The following CNTN1 variants were observed in gnomAD, a reference collection of about 807,000 sequenced individuals.
The protein encoded by CNTN1 is contactin-1.
CNTN1 carries 38 observed loss-of-function variants against 126.4 expected under a neutral mutation model. The ratio of observed to expected loss-of-function variants is 0.30; its 90% CI spans 0.23 to 0.39. The LOEUF (loss-of-function observed/expected upper bound fraction) is 0.39, where lower values mean the gene tolerates loss of function less well. CNTN1 is among the 10% of genes least tolerant of loss of function. The probability of loss-of-function intolerance (pLI) is 1.00; values close to 1 mark genes in which losing one functional copy is unlikely to be tolerated. For synonymous variants in CNTN1, 413 were observed against 422.6 expected (o/e 0.98, Z 0.28); for missense variants, 1,009 against 1,248.4 (o/e 0.81, Z 2.89).
At chr12:40,839,170 C>T (rs1942184010) in intron 1 of CNTN1, among the ~76,000 whole-genome samples, 1 of 151,896 alleles carries the variant, frequency 6.6e-6, no homozygotes, top group African/African-American at 2.4e-5. Flanking sequence ...CTAGATCAGG[C>T]AGAAGAAATA....
chr12:40,918,783 C>T lies in CNTN1; in HGVS notation c.227+12C>T, dbSNP rs368987762. 4.5e-5 allele frequency: 72 copies of T among 1,613,006 alleles called. No individual in the cohort carries two copies. The highest frequency in any genetic ancestry group is 5.8e-5 in the Non-Finnish European group (68 of 1,179,280). On this transcript the variant is annotated intron_variant, in intron 4 of 23. Transcript: ENST00000551295. The stretch of plus-strand genomic sequence containing the variant: ...TTCCCGGTTTACAAGTAATGTACCT[C>T]GCTTCTCTTTTCAGAGTGGAGTGTC...
At chr12:40,809,362 C>A (rs1158779360) in intron 1 of CNTN1, among the ~76,000 whole-genome samples, 1 of 152,124 alleles carries the variant, frequency 6.6e-6, no homozygotes, top group African/African-American at 2.4e-5. Context: ...AAATAACTTG[C>A]TGGTACATTA....
intron 23 of CNTN1, among the ~76,000 whole-genome samples, chr12:41,067,356 A>G (rs2121149958): frequency 6.6e-6 from 1 of 152,252 alleles, no homozygotes; most frequent in African/African-American, 2.4e-5. Context: ...TCGAGCAGCC[A>G]CAGTTTGTAC....
At chr12:40,993,691 C>T (rs1161376221) in intron 17 of CNTN1, among the ~76,000 whole-genome samples, 2 of 152,108 alleles carry the variant, frequency 1.3e-5, no homozygotes, top group African/African-American at 4.8e-5. Flanking sequence ...CTCTCTCGAA[C>T]TCATTTATAA....
At chr12:40,720,099 C>T (rs1298707694) in intron 1 of CNTN1, among the ~76,000 whole-genome samples, 1 of 124,700 alleles carries the variant, frequency 8.0e-6, no homozygotes, top group East Asian at 2.7e-4. Flanking sequence ...GCTCTGCCTG[C>T]CTTGGCCTCC....
At chr12:40,904,382 TTTCC>T (rs1944733863) in intron 1 of CNTN1, among the ~76,000 whole-genome samples, 1 of 111,958 alleles carries the variant, frequency 8.9e-6, no homozygotes, top group Non-Finnish European at 1.9e-5. Flanking sequence ...TCCTTCCTTC[TTTCC>T]TTCCTTCCTT....
chr12:40,822,211 A>G (rs1381701000), intron 1 of CNTN1, among the ~76,000 whole-genome samples: 2 of 125,038 alleles, frequency 1.6e-5, no homozygotes, highest in Admixed American at 9.9e-5. Flanking sequence ...CTGGAGTGCA[A>G]TGGCATGATC....
At chr12:41,003,006 A>G (rs941388215) in intron 17 of CNTN1, among the ~76,000 whole-genome samples, 21 of 152,126 alleles carry the variant, frequency 1.4e-4, no homozygotes, top group African/African-American at 5.1e-4. Flanking sequence ...GAGAGATGGT[A>G]TCCTGGTCTT....
chr12:40,884,715 TAAGTTTAGCA>T (rs1328220994), intron 1 of CNTN1, among the ~76,000 whole-genome samples: 1 of 151,670 alleles, frequency 6.6e-6, no homozygotes, highest in Non-Finnish European at 1.5e-5. Context: ...TTCATTCATG[TAAGTTTAGCA>T]TGTTCTTTAT....
At chr12:41,051,392 C>T (rs956457241) in intron 23 of CNTN1, among the ~76,000 whole-genome samples, 1 of 151,756 alleles carries the variant, frequency 6.6e-6, no homozygotes. Context: ...ACCTCGTGAT[C>T]CACCCACCTC....
At chr12:40,831,150 A>G (rs1453619046) in intron 1 of CNTN1, among the ~76,000 whole-genome samples, 1 of 144,344 alleles carries the variant, frequency 6.9e-6, no homozygotes, top group Non-Finnish European at 1.5e-5. Flanking sequence ...TATATACTAT[A>G]AATATATACT....
chr12:40,751,227 G>A (rs1468390012), intron 1 of CNTN1, among the ~76,000 whole-genome samples: 1 of 152,064 alleles, frequency 6.6e-6, no homozygotes, highest in Non-Finnish European at 1.5e-5. Flanking sequence ...TTACAATAGT[G>A]TTGGCTGCAG....
chr12:41,063,543 G>C (rs1385978796), intron 23 of CNTN1, among the ~76,000 whole-genome samples: 1 of 151,862 alleles, frequency 6.6e-6, no homozygotes, highest in African/African-American at 2.4e-5. Context: ...CTCCTCTTTT[G>C]CTCCTGGATC....
intron 1 of CNTN1, among the ~76,000 whole-genome samples, chr12:40,722,003 A>G (rs1942230432): frequency 6.6e-6 from 1 of 151,710 alleles, no homozygotes; most frequent in South Asian, 2.1e-4. Flanking sequence ...ATAGTGCCGC[A>G]ATAAACATAC....
At chr12:40,946,559 T>A (rs1055678235) in intron 14 of CNTN1, among the ~76,000 whole-genome samples, 20 of 152,070 alleles carry the variant, frequency 1.3e-4, no homozygotes, top group Non-Finnish European at 2.1e-4. Context: ...GAGTTTAAGA[T>A]TCAGATGTAA....
intron 1 of CNTN1, among the ~76,000 whole-genome samples, chr12:40,880,983 C>T (rs1345859608): frequency 1.1e-4 from 17 of 151,926 alleles, no homozygotes; most frequent in Admixed American, 7.9e-4. Flanking sequence ...GGGGCTAAAA[C>T]GATGGAATTA....
At chr12:40,697,778 T>A (rs1337359742) in intron 1 of CNTN1, among the ~76,000 whole-genome samples, 2 of 152,206 alleles carry the variant, frequency 1.3e-5, no homozygotes, top group Non-Finnish European at 2.9e-5. Flanking sequence ...ATCCTATTAT[T>A]CTTTAGGCAG....
At chr12:40,805,129 G>A (rs989296115) in intron 1 of CNTN1, among the ~76,000 whole-genome samples, 1 of 151,854 alleles carries the variant, frequency 6.6e-6, no homozygotes, top group Non-Finnish European at 1.5e-5. Context: ...GTATCTATGT[G>A]TTGTATTTGT....
intron 14 of CNTN1, among the ~76,000 whole-genome samples, chr12:40,958,353 G>A (rs11179194): frequency 5.2e-3 from 144 of 27,662 alleles, no homozygotes; most frequent in African/African-American, 0.027. Context: ...GTGTATATAT[G>A]TGTGTGTGTG....
Sources: allele counts gnomAD v4.1 joint callset (sites outside exome capture counted in the v4.1 genomes callset), GRCh38; gene constraint gnomAD v4.1.1; transcripts MANE v1.5; gene names NCBI Gene and HGNC (gene_info 2026-07-23, HGNC 2026-07-21).